Variants in SEMA5A observed in about 807,000 individuals in gnomAD.
The protein encoded by SEMA5A is semaphorin-5A.
In SEMA5A, 55 loss-of-function variants were observed where a neutral mutation model predicts 135.5. The ratio of observed to expected loss-of-function variants is 0.41; its 90% CI spans 0.33 to 0.51. SEMA5A has a LOEUF of 0.51. Ranked by LOEUF, SEMA5A falls within the 20% of genes least tolerant of loss-of-function variation. SEMA5A has a pLI of 0.37. For synonymous variants in SEMA5A, 580 were observed against 546.5 expected (o/e 1.06, Z -0.85); for missense variants, 1,290 against 1,419.9 (o/e 0.91, Z 1.47).
At chr5:9,523,944 A>T (rs1002340087) in intron 1 of SEMA5A, among the ~76,000 whole-genome samples, 10 of 152,166 alleles carry the variant, frequency 6.6e-5, no homozygotes, top group Admixed American at 2.0e-4. Flanking sequence ...TTAAATTAAG[A>T]TGAGGTCTAA....
intron 2 of SEMA5A, among the ~76,000 whole-genome samples, chr5:9,405,677 C>T (rs1756855981): frequency 6.6e-6 from 1 of 152,184 alleles, no homozygotes; most frequent in Non-Finnish European, 1.5e-5. Flanking sequence ...CTAATACGTA[C>T]AAAAGGTGGC....
intron 11 of SEMA5A, among the ~76,000 whole-genome samples, chr5:9,177,850 G>T (rs1394091780): frequency 6.6e-6 from 1 of 152,220 alleles, no homozygotes; most frequent in Non-Finnish European, 1.5e-5. Flanking sequence ...CACATGTCAA[G>T]AATCACCATC....
chr5:9,413,973 T>TC (rs1757195014), intron 2 of SEMA5A, among the ~76,000 whole-genome samples: 1 of 152,118 alleles, frequency 6.6e-6, no homozygotes, highest in Admixed American at 6.5e-5. Context: ...TAAATAAAAC[T>TC]CATCAGAGAA....
chr5:9,367,929 C>T (rs1754984975), intron 3 of SEMA5A, among the ~76,000 whole-genome samples: 1 of 152,196 alleles, frequency 6.6e-6, no homozygotes, highest in Non-Finnish European at 1.5e-5. Context: ...TATGCCCATA[C>T]CCCCTTCTCC....
chr5:9,254,812 T>C (rs571341144), intron 5 of SEMA5A, among the ~76,000 whole-genome samples: 8 of 152,054 alleles, frequency 5.3e-5, no homozygotes, highest in South Asian at 4.2e-4. Flanking sequence ...TTTAGAAGGA[T>C]GACTTGAGGA....
rs138429898 is a variant in SEMA5A, at chr5:9,234,627, CGT to C, written c.333+3199_333+3200del. 8.3e-3 allele frequency among the ~76,000 whole-genome samples: 1,262 copies of C among 152,250 alleles called. 15 individuals carry two copies. Among genetic ancestry groups the C allele is most frequent in the African/African-American group, 0.029 (1,203 of 41,538 alleles). ...ATATACTTAAGGCAACCTAAAAGAA[CGT>C]GTGATTTATCTTTCTCAGAGTACGT... On this transcript the variant is annotated intron_variant, in intron 6 of 22. Coordinates refer to ENST00000382496, the MANE Select transcript of SEMA5A (RefSeq NM_003966.3).
intron 5 of SEMA5A, chr5:9,280,759 G>A (rs1750500962): frequency 5.0e-6 from 2 of 399,894 alleles, no homozygotes; most frequent in African/African-American, 2.1e-5. Flanking sequence ...TTGCTAAGAT[G>A]AGAACATCAC....
chr5:9,493,461 C>T (rs954273117), intron 1 of SEMA5A, among the ~76,000 whole-genome samples: 19 of 151,842 alleles, frequency 1.3e-4, no homozygotes, highest in African/African-American at 4.6e-4. Flanking sequence ...AGAATGATGC[C>T]CGGTAAAATT....
intron 4 of SEMA5A, among the ~76,000 whole-genome samples, chr5:9,320,312 T>C (rs1343421658): frequency 6.6e-6 from 1 of 152,206 alleles, no homozygotes. Flanking sequence ...ATTATAATGC[T>C]ACAGCCCTCT....
At chr5:9,513,272 C>G (rs927944581) in intron 1 of SEMA5A, among the ~76,000 whole-genome samples, 1 of 151,624 alleles carries the variant, frequency 6.6e-6, no homozygotes, top group Admixed American at 6.6e-5. Flanking sequence ...AGTATTAAAC[C>G]AGAAAACTTT....
At chr5:9,335,361 G>A (rs1753342725) in intron 4 of SEMA5A, among the ~76,000 whole-genome samples, 1 of 152,182 alleles carries the variant, frequency 6.6e-6, no homozygotes, top group Non-Finnish European at 1.5e-5. Flanking sequence ...GCCAGAACAG[G>A]AGCATAAGAC....
intron 1 of SEMA5A, among the ~76,000 whole-genome samples, chr5:9,456,480 GA>G (rs3836918): frequency 1.3e-5 from 2 of 151,742 alleles, no homozygotes; most frequent in Admixed American, 1.3e-4. Context: ...AGGACAAGTA[GA>G]AAAAAAGGAA....
In SEMA5A at chr5:9,408,857, G is replaced by C. The variant is rs542171388; in HGVS notation, c.-77-28834C>G. On this transcript the variant is annotated intron_variant, in intron 2 of 22. Coordinates refer to ENST00000382496, the MANE Select transcript of SEMA5A (RefSeq NM_003966.3). ...TTATTTTTTTTTTAAATGTCATAGA[G>C]TCTAAGAGATAGCCAGAGATTTTTC... is the stretch of plus-strand genomic sequence containing the variant. Among the ~76,000 whole-genome samples, 132 of 152,104 alleles carry C rather than the reference G, an allele frequency of 8.7e-4. 1 individual carries two copies. The highest frequency in any genetic ancestry group is 3.4e-3 in the Middle Eastern group (1 of 294).
chr5:9,152,938 G>T (rs1742711909), intron 12 of SEMA5A, among the ~76,000 whole-genome samples: 1 of 152,084 alleles, frequency 6.6e-6, no homozygotes. Flanking sequence ...TGGGCATGCT[G>T]GCACATGTAA....
At chr5:9,467,671 G>A (rs1759312162) in intron 1 of SEMA5A, among the ~76,000 whole-genome samples, 1 of 152,098 alleles carries the variant, frequency 6.6e-6, no homozygotes. Context: ...CAAGCACCAG[G>A]AGCCTCTAAG....
At chr5:9,324,897 A>G (rs1462083785) in intron 4 of SEMA5A, among the ~76,000 whole-genome samples, 1 of 152,214 alleles carries the variant, frequency 6.6e-6, no homozygotes, top group Non-Finnish European at 1.5e-5. Flanking sequence ...GGAAATGCTA[A>G]CCAAATGTTG....
chr5:9,134,273 G>A (rs999718354), intron 13 of SEMA5A, among the ~76,000 whole-genome samples: 2 of 152,056 alleles, frequency 1.3e-5, no homozygotes, highest in African/African-American at 4.8e-5. Context: ...AGCCACCAGA[G>A]TAGCTGGAAC....
intron 5 of SEMA5A, among the ~76,000 whole-genome samples, chr5:9,255,368 G>T (rs890381138): frequency 6.6e-6 from 1 of 152,120 alleles, no homozygotes; most frequent in Non-Finnish European, 1.5e-5. Flanking sequence ...CCACATTATG[G>T]GTATGATTAA....
intron 5 of SEMA5A, among the ~76,000 whole-genome samples, chr5:9,242,524 C>T (rs1748256476): frequency 6.6e-6 from 1 of 152,136 alleles, no homozygotes; most frequent in Non-Finnish European, 1.5e-5. Context: ...AAAGACTAGC[C>T]AAACATCTTA....
Sources: allele counts gnomAD v4.1 joint callset (sites outside exome capture counted in the v4.1 genomes callset), GRCh38; gene constraint gnomAD v4.1.1; transcripts MANE v1.5; gene names NCBI Gene and HGNC (gene_info 2026-07-23, HGNC 2026-07-21).